The following PCDH15 variants were observed in gnomAD, a reference collection of about 807,000 sequenced individuals.
PCDH15 encodes protocadherin-15.
A neutral mutation model predicts 178.5 loss-of-function variants in PCDH15; 129 were observed. The ratio of observed to expected loss-of-function variants is 0.72; its 90% CI spans 0.63 to 0.84. The LOEUF is 0.84. Among genes scored for constraint, PCDH15 ranks in the 40% least tolerant of loss-of-function variants. PCDH15 has a pLI of 0.00. For missense variants in PCDH15, 2,230 were observed against 2,099.9 expected (o/e 1.06, Z -1.21); for synonymous variants, 800 against 732.0 (o/e 1.09, Z -1.50).
chr10:53,933,948 G>A (rs2085327707), intron 25 of PCDH15, among the ~76,000 whole-genome samples: 1 of 152,082 alleles, frequency 6.6e-6, no homozygotes, highest in Non-Finnish European at 1.5e-5. Flanking sequence ...TTTTTCATGT[G>A]TTTTTTGGCT....
At chr10:53,913,181 G>C (rs979887261) in intron 25 of PCDH15, among the ~76,000 whole-genome samples, 1 of 152,098 alleles carries the variant, frequency 6.6e-6, no homozygotes, top group African/African-American at 2.4e-5. Flanking sequence ...ACAGAAACAA[G>C]AAATGGGGAA....
intron 2 of PCDH15, among the ~76,000 whole-genome samples, chr10:54,946,614 G>C (rs1386142876): frequency 2.6e-5 from 4 of 151,770 alleles, no homozygotes; most frequent in Non-Finnish European, 4.4e-5. Context: ...TCAAATAATA[G>C]TTTACAGGAT....
chr10:54,901,995 CCATT>C (rs34303938), intron 2 of PCDH15, among the ~76,000 whole-genome samples: 109,920 of 151,302 alleles, frequency 0.73, 40,361 homozygotes, highest in East Asian at 0.89. Flanking sequence ...TTGATACATT[CCATT>C]CAAATGATTT....
At chr10:53,881,106 A>C (rs890217906) in intron 26 of PCDH15, among the ~76,000 whole-genome samples, 1 of 152,176 alleles carries the variant, frequency 6.6e-6, no homozygotes, top group African/African-American at 2.4e-5. Flanking sequence ...GTACCAACTT[A>C]CAAGTTTGCT....
intron 8 of PCDH15, among the ~76,000 whole-genome samples, chr10:54,279,084 A>G (rs1404858513): frequency 6.6e-6 from 1 of 151,630 alleles, no homozygotes; most frequent in Non-Finnish European, 1.5e-5. Context: ...GCTAAGTAAT[A>G]TTACTGGATG....
chr10:55,276,827 T>C (rs1842608604), intron 1 of PCDH15, among the ~76,000 whole-genome samples: 1 of 151,288 alleles, frequency 6.6e-6, no homozygotes, highest in Non-Finnish European at 1.5e-5. Flanking sequence ...ACCTTTTACT[T>C]ACTGTTATGC....
intron 2 of PCDH15, among the ~76,000 whole-genome samples, chr10:55,016,306 T>C (rs940261775): frequency 2.6e-5 from 4 of 152,120 alleles, no homozygotes; most frequent in Non-Finnish European, 5.9e-5. Flanking sequence ...TAAATTGCTG[T>C]TAACTGTAAT....
chr10:55,165,272 A>G (rs1839166668), intron 2 of PCDH15, among the ~76,000 whole-genome samples: 1 of 152,000 alleles, frequency 6.6e-6, no homozygotes, highest in Non-Finnish European at 1.5e-5. Flanking sequence ...ATATATTGTT[A>G]CATAGGAAAT....
intron 8 of PCDH15, among the ~76,000 whole-genome samples, chr10:54,284,323 TTATTG>T (rs1428459964): frequency 1.3e-5 from 2 of 152,244 alleles, no homozygotes; most frequent in African/African-American, 4.8e-5. Flanking sequence ...AGCTGCCTTC[TTATTG>T]TAATTGTTTT....
At chr10:54,853,422 T>TATATATATACACATACAC (rs71014424) in intron 3 of PCDH15, among the ~76,000 whole-genome samples, 34,838 of 137,988 alleles carry the variant, frequency 0.25, 4,710 homozygotes, top group Middle Eastern at 0.32. Flanking sequence ...TACACATACA[T>TATATATATACACATACAC]ATATATATAC....
chr10:54,826,431 C>CA (rs900959846), intron 3 of PCDH15, among the ~76,000 whole-genome samples: 8 of 149,180 alleles, frequency 5.4e-5, no homozygotes, highest in South Asian at 4.2e-4. Context: ...ACAACTGAAA[C>CA]AAAAAAAAAT....
rs563528231 is a variant in PCDH15 at position 54,510,818 on chromosome 10, C to T, written c.157+16994G>A. Among the ~76,000 whole-genome samples the T allele has an allele frequency of 5.9e-5, 9 of 152,250 alleles. No homozygotes were observed. In the East Asian group the frequency reaches 1.7e-3, roughly 29 times the overall value. ...ATTTCAAAAAGATTAACCAAAGTTT[C>T]CCTTTTTTCCACGTCTCCTGCCATC... On this transcript the variant is annotated intron_variant, in intron 3 of 37. Coordinates refer to ENST00000644397, the MANE Select transcript of PCDH15 (RefSeq NM_001384140.1).
intron 2 of PCDH15, among the ~76,000 whole-genome samples, chr10:55,471,448 C>T (rs528392546): frequency 1.4e-4 from 22 of 152,220 alleles, no homozygotes; most frequent in East Asian, 5.8e-4. Flanking sequence ...GCTAAGTTTA[C>T]GCAGGGACAG....
At chr10:55,300,181 A>C (rs935751708) in intron 1 of PCDH15, among the ~76,000 whole-genome samples, 1 of 152,126 alleles carries the variant, frequency 6.6e-6, no homozygotes, top group African/African-American at 2.4e-5. Context: ...GAAATATTTT[A>C]TTGTTCTCCA....
chr10:54,949,651 C>T (rs1337092797), intron 2 of PCDH15, among the ~76,000 whole-genome samples: 1 of 151,966 alleles, frequency 6.6e-6, no homozygotes, highest in East Asian at 1.9e-4. Context: ...CAATTCCAAA[C>T]CATCTATTTG....
At chr10:54,871,251 A>C (rs374687302) in intron 3 of PCDH15, among the ~76,000 whole-genome samples, 31 of 152,288 alleles carry the variant, frequency 2.0e-4, no homozygotes, top group Admixed American at 3.9e-4. Context: ...TAAGGAAAAA[A>C]CTGCTATTTC....
chr10:54,057,491 G>C (rs1305345103), intron 18 of PCDH15, among the ~76,000 whole-genome samples: 3 of 152,158 alleles, frequency 2.0e-5, no homozygotes, highest in Non-Finnish European at 4.4e-5. Flanking sequence ...GCTATACCTT[G>C]GCCCCTTTTA....
intron 2 of PCDH15, among the ~76,000 whole-genome samples, chr10:55,384,102 G>C (rs1837598392): frequency 6.6e-6 from 1 of 151,906 alleles, no homozygotes. Flanking sequence ...ACATTCCCAG[G>C]GAATAACTGC....
intron 18 of PCDH15, among the ~76,000 whole-genome samples, chr10:54,024,184 C>G (rs2093013466): frequency 6.6e-6 from 1 of 152,038 alleles, no homozygotes; most frequent in Admixed American, 6.6e-5. Context: ...AAGAATTAAT[C>G]TTAGCTAAAA....
Sources: allele counts gnomAD v4.1 joint callset (sites outside exome capture counted in the v4.1 genomes callset), GRCh38; gene constraint gnomAD v4.1.1; transcripts MANE v1.5; gene names NCBI Gene and HGNC (gene_info 2026-07-23, HGNC 2026-07-21).